Variants in DPP10 observed in about 807,000 individuals in gnomAD.
DPP10 encodes the protein dipeptidyl peptidase like 10.
A neutral mutation model predicts 120.9 loss-of-function variants in DPP10; 33 were observed. That is an observed-to-expected ratio of 0.27 (90% CI 0.21 to 0.37). The LOEUF (loss-of-function observed/expected upper bound fraction) is 0.37. Ranked by LOEUF, DPP10 falls within the 10% of genes least tolerant of loss-of-function variation. The pLI, the probability that DPP10 is intolerant of heterozygous loss-of-function variation, is 1.00. For missense variants in DPP10, 816 were observed against 942.8 expected, an observed-to-expected ratio of 0.87 and a Z score of 1.76; for synonymous variants, 337 against 326.1, an observed-to-expected ratio of 1.03 and a Z score of -0.36.
At chr2:114,618,372 G>A (rs1693833970) in intron 1 of DPP10, among the ~76,000 whole-genome samples, 2 of 151,926 alleles carry the variant, frequency 1.3e-5, no homozygotes, top group Admixed American at 1.3e-4. Context: ...AAGTACACAG[G>A]TCTCTCTCTC....
At chr2:114,541,508 A>G (rs1415644446) in intron 1 of DPP10, among the ~76,000 whole-genome samples, 1 of 152,170 alleles carries the variant, frequency 6.6e-6, no homozygotes, top group Non-Finnish European at 1.5e-5. Context: ...TCCTTTCAAT[A>G]TACAAATGAA....
At chr2:114,990,249 A>G (rs1336965605) in intron 1 of DPP10, among the ~76,000 whole-genome samples, 1 of 152,172 alleles carries the variant, frequency 6.6e-6, no homozygotes, top group Non-Finnish European at 1.5e-5. Flanking sequence ...TGAACATATT[A>G]ATAATGTAAG....
intron 1 of DPP10, among the ~76,000 whole-genome samples, chr2:115,129,796 T>C (rs1463511790): frequency 6.6e-6 from 1 of 152,178 alleles, no homozygotes; most frequent in Non-Finnish European, 1.5e-5. Context: ...GAATGCAAAA[T>C]TGCAGCTCCA....
intron 1 of DPP10, among the ~76,000 whole-genome samples, chr2:114,575,961 A>G (rs1399550559): frequency 6.6e-6 from 1 of 152,238 alleles, no homozygotes; most frequent in Non-Finnish European, 1.5e-5. Flanking sequence ...AATATCAGAG[A>G]TGCGTGATGA....
At chr2:115,771,407 CA>C (rs5833634) in intron 13 of DPP10, among the ~76,000 whole-genome samples, 12,236 of 152,104 alleles carry the variant, frequency 0.08, 652 homozygotes, top group Non-Finnish European at 0.12. Context: ...GTTTATTCAT[CA>C]TTAAAGTTAT....
chr2:115,374,705 C>G (rs1288158753), intron 3 of DPP10, among the ~76,000 whole-genome samples: 2 of 152,246 alleles, frequency 1.3e-5, no homozygotes, highest in African/African-American at 4.8e-5. Context: ...CAAACTTCAT[C>G]TCTTGTCTTC....
chr2:115,637,516 T>C (rs1408520198), intron 5 of DPP10, among the ~76,000 whole-genome samples: 2 of 152,086 alleles, frequency 1.3e-5, no homozygotes, highest in Non-Finnish European at 2.9e-5. Flanking sequence ...TAGAGTAAGA[T>C]TGGGCAACAG....
At chr2:114,521,908 C>T (rs34695786) in intron 1 of DPP10, among the ~76,000 whole-genome samples, 37,238 of 145,640 alleles carry the variant, frequency 0.26, 5,225 homozygotes, top group Non-Finnish European at 0.33. Flanking sequence ...CCCGGGTTCA[C>T]GCCATTCTCC....
chr2:115,351,802 A>G (rs1480336106), intron 3 of DPP10, among the ~76,000 whole-genome samples: 1 of 152,064 alleles, frequency 6.6e-6, no homozygotes, highest in African/African-American at 2.4e-5. Context: ...TGTTTTATTT[A>G]TTGCTATGTT....
At chr2:114,623,270 G>T (rs1183977555) in intron 1 of DPP10, among the ~76,000 whole-genome samples, 1 of 152,038 alleles carries the variant, frequency 6.6e-6, no homozygotes, top group African/African-American at 2.4e-5. Flanking sequence ...AAATATAATT[G>T]TAGAGACTCT....
chr2:114,666,460 G>C (rs916738724), intron 1 of DPP10, among the ~76,000 whole-genome samples: 1 of 152,140 alleles, frequency 6.6e-6, no homozygotes, highest in Admixed American at 6.5e-5. Context: ...ATGAAAACAT[G>C]AAGACCTAGA....
At chr2:114,722,547 C>G (rs186978192) in intron 1 of DPP10, among the ~76,000 whole-genome samples, 1 of 151,806 alleles carries the variant, frequency 6.6e-6, no homozygotes, top group Non-Finnish European at 1.5e-5. Flanking sequence ...GAGGCCGAGG[C>G]GGGTGGATCA....
intron 1 of DPP10, among the ~76,000 whole-genome samples, chr2:114,530,124 A>G (rs1286518786): frequency 2.0e-5 from 3 of 152,214 alleles, no homozygotes; most frequent in South Asian, 2.1e-4. Flanking sequence ...TTGATTCTAT[A>G]GTTAATATGT....
chr2:114,841,197 G>T (rs116531751), intron 1 of DPP10, among the ~76,000 whole-genome samples: 375 of 152,230 alleles, frequency 2.5e-3, no homozygotes, highest in Admixed American at 4.4e-3. Context: ...CAAAACTGTC[G>T]TATGACTAAA....
At chr2:114,669,802 A>C (rs1159378740) in intron 1 of DPP10, among the ~76,000 whole-genome samples, 2 of 152,052 alleles carry the variant, frequency 1.3e-5, no homozygotes, top group East Asian at 3.9e-4. Context: ...CAGGGAGAAA[A>C]AATATAAATT....
chr2:114,764,267 C>G (rs1373204166), intron 1 of DPP10, among the ~76,000 whole-genome samples: 1 of 142,442 alleles, frequency 7.0e-6, no homozygotes, highest in African/African-American at 2.6e-5. Flanking sequence ...CTTGCAACTG[C>G]TGGCCTCTTA....
chr2:115,702,233 C>A (rs141509700), intron 7 of DPP10, among the ~76,000 whole-genome samples: 1 of 152,024 alleles, frequency 6.6e-6, no homozygotes, highest in African/African-American at 2.4e-5. Context: ...CATCTCTAAC[C>A]CTCAGAGAGT....
chr2:115,655,754 A>T (rs1391050937), intron 5 of DPP10, among the ~76,000 whole-genome samples: 1 of 151,690 alleles, frequency 6.6e-6, no homozygotes, highest in African/African-American at 2.4e-5. Flanking sequence ...CGCTCAACAC[A>T]TTCCTACTGA....
chr2:114,916,097 AAAG>A (rs1309839057), intron 1 of DPP10, among the ~76,000 whole-genome samples: 1 of 152,148 alleles, frequency 6.6e-6, no homozygotes, highest in African/African-American at 2.4e-5. Context: ...AATAAAGAAA[AAAG>A]AGAGAAAATT....
Sources: gnomAD v4.1 joint callset for allele counts (sites outside exome capture counted in the v4.1 genomes callset) on GRCh38, gnomAD v4.1.1 for gene constraint, MANE v1.5 for transcripts, NCBI Gene and HGNC (gene_info 2026-07-23, HGNC 2026-07-21) for gene names.